WDR20: variants seen among roughly 807,000 people sequenced by gnomAD.
WDR20 encodes WD repeat-containing protein 20.
Under a neutral mutation model 38.7 loss-of-function variants are expected in WDR20, and 3 were observed. The observed-to-expected ratio is 0.08, with a 90% CI of 0.04 to 0.20. WDR20 has a LOEUF of 0.20. Ranked by LOEUF, WDR20 falls within the 10% of genes least tolerant of loss-of-function variation. WDR20 has a pLI of 1.00. For missense variants in WDR20, 559 were observed against 727.7 expected, an observed-to-expected ratio of 0.77 and a Z score of 2.67; for synonymous variants, 298 against 285.6, an observed-to-expected ratio of 1.04 and a Z score of -0.44.
At chr14:102,172,216 G>T (rs1005071213) in intron 1 of WDR20, among the ~76,000 whole-genome samples, 2 of 150,864 alleles carry the variant, frequency 1.3e-5, no homozygotes, top group Non-Finnish European at 3.0e-5. Context: ...AGAGCACAGG[G>T]TTGGGGGGTA....
intron 1 of WDR20, among the ~76,000 whole-genome samples, chr14:102,162,192 T>G (rs2058887464): frequency 6.6e-6 from 1 of 152,204 alleles, no homozygotes; most frequent in African/African-American, 2.4e-5. Flanking sequence ...ATAGTTCTTT[T>G]CTCGAGACAA....
downstream of WDR20, among the ~76,000 whole-genome samples, chr14:102,219,093 G>A (rs1045479812): frequency 2.6e-5 from 4 of 152,204 alleles, no homozygotes; most frequent in Non-Finnish European, 4.4e-5. Context: ...GATCCCCCAC[G>A]CTGTGCTCTC....
At chr14:102,139,566 G>C (rs972237632), upstream of WDR20, 1 of 774,388 alleles carries the variant, frequency 1.3e-6, no homozygotes, top group African/African-American at 1.8e-5. Flanking sequence ...CACCAGCCCC[G>C]CCGCGGTTCC....
intron 1 of WDR20, among the ~76,000 whole-genome samples, chr14:102,156,888 G>A (rs1189751664): frequency 6.6e-6 from 1 of 152,172 alleles, no homozygotes; most frequent in Non-Finnish European, 1.5e-5. Context: ...AAACTTGGGA[G>A]GCTAAGGCAG....
intron 1 of WDR20, among the ~76,000 whole-genome samples, chr14:102,159,046 G>A (rs1256064274): frequency 6.6e-6 from 1 of 151,764 alleles, no homozygotes; most frequent in African/African-American, 2.4e-5. Context: ...GGCCTCAAGC[G>A]ATCCTCCCAC....
chr14:102,209,237 A>G lies in WDR20; in HGVS notation c.1067A>G (p.Asn356Ser), dbSNP rs1401511881. 3.7e-6 allele frequency: 6 copies of G among 1,613,918 alleles called. 1 individual carries two copies. The highest frequency in any genetic ancestry group is 3.3e-5 in the Admixed American group (2 of 59,986). ...ACACAGTCCAGGCTCTCCAAACGGA[A>G]CTCTACAGACAGCCGCCCCGTAAGT... ...NSTQSRLSKR[N>S]STDSRPVSVT... Residue 356 changes from asparagine (N) to serine (S), a missense_variant, in exon 3 of 3, where the codon AAC becomes AGC. Coordinates refer to ENST00000342702, the MANE Select transcript of WDR20 (RefSeq NM_144574.4). The surrounding 1 kb of genome is among the most constrained non-coding windows in gnomAD (Gnocchi z 6.0).
In WDR20 at chr14:102,210,095, G is replaced by A; in HGVS notation, c.*215G>A. 1 of 1,324,762 alleles carries A rather than the reference G, an allele frequency of 7.5e-7. No individual in the cohort carries two copies. Among genetic ancestry groups the A allele is most frequent in the Non-Finnish European group, 9.6e-7 (1 of 1,040,786 alleles). 82.1% of individuals were successfully genotyped at this position (1,324,762 alleles called of 1,614,324 possible). On this transcript the variant is annotated 3_prime_UTR_variant, in exon 3 of 3. Coordinates refer to ENST00000342702, the MANE Select transcript of WDR20 (RefSeq NM_144574.4). ...AAAAATATAATCAAACTAATTGCCA[G>A]CCAAGTCAGTCATCCTCCTGGGAGT...
At chr14:102,198,097 CTTTATTTA>C (rs67384915) in intron 2 of WDR20, 54,184 of 175,712 alleles carry the variant, frequency 0.31, 10,845 homozygotes, top group Non-Finnish European at 0.37. Flanking sequence ...CAGAGGTCTA[CTTTATTTA>C]TTTATTTATT....
chr14:102,147,397 G>C (rs917057993), intron 1 of WDR20, among the ~76,000 whole-genome samples: 1 of 152,112 alleles, frequency 6.6e-6, no homozygotes, highest in African/African-American at 2.4e-5. Flanking sequence ...AAAAAAGGAG[G>C]ACTTCATGGG....
At chr14:102,210,552 G>A, downstream of WDR20, 2 of 985,292 alleles carry the variant, frequency 2.0e-6, no homozygotes, top group Non-Finnish European at 2.4e-6. Flanking sequence ...TTTGATTGAG[G>A]TTCTGTGTAC....
rs146546910 is a variant in WDR20, at chr14:102,209,447, C to T, written c.1277C>T (p.Pro426Leu). Residue 426 changes from proline (P) to leucine (L), a missense_variant, in exon 3 of 3, where the codon CCG becomes CTG. Physicochemically the swap from Pro to Leu is moderately conservative, Grantham distance 98. Transcript: ENST00000342702. This position sits in a 1 kb window ranked among gnomAD's most constrained non-coding sequence, Gnocchi z 6.0. ...NSVTTPGNSV[P>L]PPLPRSNSLP... Reference sequence around the variant, plus strand: ...GTTACAACACCCGGGAACTCTGTGCCGCCTCCTCTGCCACGGTCCAACAGC... The same window carrying T: ...GTTACAACACCCGGGAACTCTGTGCTGCCTCCTCTGCCACGGTCCAACAGC... 9.9e-6 allele frequency: 16 copies of T among 1,614,048 alleles called. No individual in the cohort carries two copies. Among genetic ancestry groups the T allele is most frequent in the African/African-American group, 8.0e-5 (6 of 74,910 alleles).
intron 1 of WDR20, among the ~76,000 whole-genome samples, chr14:102,148,669 T>TG (rs2054563368): frequency 3.4e-5 from 5 of 144,942 alleles, no homozygotes; most frequent in Admixed American, 1.4e-4. Flanking sequence ...GAGTTTGGCT[T>TG]TGTGTGTGTG....
chr14:102,155,864 C>G (rs999593646), intron 1 of WDR20, among the ~76,000 whole-genome samples: 1 of 151,476 alleles, frequency 6.6e-6, no homozygotes, highest in Non-Finnish European at 1.5e-5. Flanking sequence ...CAACCTCCAT[C>G]CCCGGGCTCA....
At chr14:102,224,359 C>A (rs960002019), downstream of WDR20, 2 of 345,580 alleles carry the variant, frequency 5.8e-6, no homozygotes, top group East Asian at 1.6e-4. Context: ...ATTTTTCTTA[C>A]TTGGTTGAAA....
At chr14:102,218,269 G>A (rs1371372373), downstream of WDR20, among the ~76,000 whole-genome samples, 6 of 152,202 alleles carry the variant, frequency 3.9e-5, no homozygotes, top group East Asian at 9.6e-4. Flanking sequence ...ATGAGCTGGC[G>A]CCCAGCCCAC....
In WDR20 at chr14:102,193,509, A is replaced by G. The variant is rs751720768; in HGVS notation, c.250-1429A>G. ...AACAGAGATTCTCATCTCCGTTTTA[A>G]CTGAGGTGAGGCTGGGAGAGTGTCC... On this transcript the variant is annotated intron_variant, in intron 1 of 2. Transcript: ENST00000342702. 6 of 1,613,380 alleles carry G rather than the reference A, an allele frequency of 3.7e-6. No homozygotes were observed. In the South Asian group the frequency reaches 6.6e-5, roughly 18 times the overall value.
At position 102,207,451 on chromosome 14, in the gene WDR20, G is replaced by A. The variant is rs2061754533; in HGVS notation, c.433-1152G>A. ...GTCGGCATGTTTCTTGGCAGATTCT[G>A]CCCCTGTGTGCCCAGTACCCCTCTG... On this transcript the variant is annotated intron_variant, in intron 2 of 2. Transcript: ENST00000342702. The surrounding 1 kb of genome is among the most constrained non-coding windows in gnomAD (Gnocchi z 5.0). Among the ~76,000 whole-genome samples, 1 of 152,352 alleles carries A rather than the reference G, an allele frequency of 6.6e-6. No individual in the cohort carries two copies. Among genetic ancestry groups the A allele is most frequent in the South Asian group, 2.1e-4 (1 of 4,826 alleles).
At chr14:102,199,495 C>G (rs1228071236) in intron 2 of WDR20, among the ~76,000 whole-genome samples, 1 of 152,006 alleles carries the variant, frequency 6.6e-6, no homozygotes, top group African/African-American at 2.4e-5. Flanking sequence ...GCATGGCAAC[C>G]CAGGCAGAGA....
At chr14:102,211,740 T>G (rs1462068326), downstream of WDR20, among the ~76,000 whole-genome samples, 2 of 152,220 alleles carry the variant, frequency 1.3e-5, no homozygotes, top group African/African-American at 4.8e-5. This position sits in a 1 kb window ranked among gnomAD's most constrained non-coding sequence, Gnocchi z 4.2. Context: ...TGATGAACGC[T>G]CCATGTGCAA....
Sources: gnomAD v4.1 joint callset for allele counts (sites outside exome capture counted in the v4.1 genomes callset) on GRCh38, gnomAD v4.1.1 for gene constraint, Gnocchi (gnomAD v3.1) non-coding constraint, MANE v1.5 for transcripts, NCBI Gene and HGNC (gene_info 2026-07-23, HGNC 2026-07-21) for gene names.